POFUT2: variants seen among roughly 807,000 people sequenced by gnomAD.
The protein encoded by POFUT2 is GDP-fucose protein O-fucosyltransferase 2.
Under a neutral mutation model 55.0 loss-of-function variants are expected in POFUT2, and 30 were observed. That is an observed-to-expected ratio of 0.55 (90% CI 0.41 to 0.74). The LOEUF (loss-of-function observed/expected upper bound fraction) is 0.74, where lower values mean the gene tolerates loss of function less well. Ranked by LOEUF, POFUT2 falls within the 30% of genes least tolerant of loss-of-function variation. The probability of loss-of-function intolerance (pLI) is 0.00; values close to 1 mark genes in which losing one functional copy is unlikely to be tolerated. For synonymous variants in POFUT2, 267 were observed against 231.1 expected, an observed-to-expected ratio of 1.16 and a Z score of -1.41; for missense variants, 524 against 562.6, an observed-to-expected ratio of 0.93 and a Z score of 0.69.
Position 45,285,495 on chromosome 21 carries a change from G to A in POFUT2, c.382+183C>T, listed in dbSNP as rs1200871106. 2.8e-6 allele frequency: 2 copies of A among 724,614 alleles called. No homozygotes were observed. The highest frequency in any genetic ancestry group is 1.7e-5 in the African/African-American group (1 of 57,806). The allele number at this position is 724,614 out of a possible 1,614,324, so 44.9% of individuals were successfully genotyped here. A position where few individuals can be genotyped will look rare whatever the true frequency, so the allele number is the denominator to read the frequency against. On this transcript the variant is annotated intron_variant, in intron 2 of 8. Transcript: ENST00000349485. The surrounding 1 kb of genome is among the most constrained non-coding windows in gnomAD (Gnocchi z 4.9). The stretch of plus-strand genomic sequence containing the variant: ...ATTTTGGGAAGCTCACTGCAGCGTG[G>A]GAAAGGGACTGTGCTCCTGAACGGA...
At chr21:45,274,653 G>T (rs1602181972) in intron 6 of POFUT2, among the ~76,000 whole-genome samples, 1 of 152,126 alleles carries the variant, frequency 6.6e-6, no homozygotes, top group African/African-American at 2.4e-5. Flanking sequence ...CAGAAATAAA[G>T]CCAAATACTT....
chr21:45,269,052 C>G (rs2093191384), intron 7 of POFUT2, among the ~76,000 whole-genome samples: 1 of 114,750 alleles, frequency 8.7e-6, no homozygotes, highest in African/African-American at 3.8e-5. Context: ...GGTCAGCCCC[C>G]CGCCTGGCCA....
At chr21:45,278,262 G>A (rs549854322) in intron 4 of POFUT2, 93 bp from the exon 5 acceptor site, 32 of 1,085,308 alleles carry the variant, frequency 2.9e-5, no homozygotes, top group Admixed American at 8.5e-5. Flanking sequence ...ACCCCGGGCC[G>A]AGGAAGCAGA....
Position 45,277,002 on chromosome 21 carries a change from A to C in POFUT2, c.831+15T>G. 1 of 1,613,058 alleles carries C rather than the reference A, an allele frequency of 6.2e-7. No individual in the cohort carries two copies. The highest frequency in any genetic ancestry group is 1.1e-5 in the South Asian group (1 of 91,030). On this transcript the variant is annotated intron_variant, in intron 6 of 8. Coordinates refer to ENST00000349485, the MANE Select transcript of POFUT2 (RefSeq NM_133635.6). This position sits in a 1 kb window ranked among gnomAD's most constrained non-coding sequence, Gnocchi z 6.9. ...CTTTACCTTTTCTCTAATTAACAAA[A>C]GGGAGGGGGGCTACCTTCATCTTCA...
Position 45,282,692 on chromosome 21 carries a change from C to T in POFUT2, c.528-233G>A, listed in dbSNP as rs981683994. The T allele has an allele frequency of 5.4e-6, 3 of 557,688 alleles. No individual in the cohort carries two copies. The highest frequency in any genetic ancestry group is 1.9e-5 in the African/African-American group (1 of 53,082). The allele number at this position is 557,688 out of a possible 1,614,324, so 34.5% of individuals were successfully genotyped here. A position where few individuals can be genotyped will look rare whatever the true frequency, so the allele number is the denominator to read the frequency against. On this transcript the variant is annotated intron_variant, in intron 3 of 8. Coordinates refer to ENST00000349485, the MANE Select transcript of POFUT2 (RefSeq NM_133635.6). This position sits in a 1 kb window ranked among gnomAD's most constrained non-coding sequence, Gnocchi z 4.6. ...AGGCTTTCCCCATGATAGGGGCTGG[C>T]GGGATGGCCGGGGAGGCAGAGGGAG...
In POFUT2 at chr21:45,267,722, TAGA is replaced by T. The variant is rs1301609271; in HGVS notation, c.1013-12_1013-10del. ...TTTTAGCTCTTCATATTCTGCAAAG[TAGA>T]AGGAGAGACCCTTTGAACCGGGATC... On this transcript the variant is annotated splice_polypyrimidine_tract_variant and intron_variant, in intron 7 of 8. Transcript: ENST00000349485. The surrounding 1 kb of genome is among the most constrained non-coding windows in gnomAD (Gnocchi z 4.4). 1.4e-5 allele frequency: 22 copies of T among 1,612,702 alleles called. No homozygotes were observed. The highest frequency in any genetic ancestry group is 1.8e-5 in the Non-Finnish European group (21 of 1,179,082).
chr21:45,278,370 G>A (rs1191212537), intron 4 of POFUT2, among the ~76,000 whole-genome samples: 1 of 152,186 alleles, frequency 6.6e-6, no homozygotes, highest in Non-Finnish European at 1.5e-5. Context: ...GGTTCTGAGA[G>A]GGCTTTAATG....
At position 45,278,166 on chromosome 21, in the gene POFUT2, G is replaced by A. The variant is rs780283431; in HGVS notation, c.642C>T (p.Ser214=). The change falls in exon 5 of 9, where the codon TCC becomes TCT. Residue 214 remains serine (S), a synonymous_variant. Coordinates refer to ENST00000349485, the MANE Select transcript of POFUT2 (RefSeq NM_133635.6). ...GGTTCTCGGCTCTGTCTAACATCACGGACCTGTTTTTAAACAACAGAAGAA... is the reference window on the plus strand; with the variant it reads ...GGTTCTCGGCTCTGTCTAACATCACAGACCTGTTTTTAAACAACAGAAGAA... The part of the protein sequence containing the change: ...PLLLRNTSAR[S]VMLDRAENLL... The A allele has an allele frequency of 6.2e-6, 10 of 1,611,114 alleles. No individual in the cohort carries two copies. Among genetic ancestry groups the A allele is most frequent in the Admixed American group, 1.7e-5 (1 of 60,018 alleles).
chr21:45,276,996 A>T, intron 6 of POFUT2, 21 bp downstream of exon 6: 3 of 1,612,374 alleles, frequency 1.9e-6, no homozygotes, highest in Admixed American at 3.3e-5. Context: ...TTCTCTAATT[A>T]ACAAAAGGGA....
rs2031237492 is a variant in POFUT2 at position 45,285,172 on chromosome 21, CA to C, written c.382+505del. On this transcript the variant is annotated intron_variant, in intron 2 of 8. Transcript: ENST00000349485. The surrounding 1 kb of genome is among the most constrained non-coding windows in gnomAD (Gnocchi z 4.9). Reference sequence around the variant, plus strand: ...TTTATCTCTTCCAAACAACGCAACACAAAAAGCTCTAAATACCTTCATTCTA... The same window carrying C: ...TTTATCTCTTCCAAACAACGCAACACAAAAGCTCTAAATACCTTCATTCTA... 1.2e-5 allele frequency: 2 copies of C among 173,632 alleles called. No homozygotes were observed. The highest frequency in any genetic ancestry group is 2.5e-5 in the Non-Finnish European group (2 of 80,394). The allele number at this position is 173,632 out of a possible 1,614,324, so 10.8% of individuals were successfully genotyped here. A position where few individuals can be genotyped will look rare whatever the true frequency, so the allele number is the denominator to read the frequency against.
chr21:45,272,761 T>A (rs971163990), intron 6 of POFUT2, among the ~76,000 whole-genome samples: 1 of 152,054 alleles, frequency 6.6e-6, no homozygotes, highest in Non-Finnish European at 1.5e-5. Context: ...CCCTCAAAAC[T>A]ATACAAACAC....
chr21:45,269,406 A>G (rs982529044), intron 7 of POFUT2, among the ~76,000 whole-genome samples: 2 of 152,038 alleles, frequency 1.3e-5, no homozygotes, highest in Non-Finnish European at 2.9e-5. Context: ...TGTAGAAAGA[A>G]GTAGACATGG....
Position 45,282,667 on chromosome 21 carries a change from A to G in POFUT2, c.528-208T>C. 1.7e-6 allele frequency: 1 copy of G among 593,190 alleles called. No homozygotes were observed. Among genetic ancestry groups the G allele is most frequent in the Non-Finnish European group, 3.1e-6 (1 of 327,508 alleles). 36.7% of individuals were successfully genotyped at this position (593,190 alleles called of 1,614,324 possible). A position where few individuals can be genotyped will look rare whatever the true frequency, so the allele number is the denominator to read the frequency against. On this transcript the variant is annotated intron_variant, in intron 3 of 8. Transcript: ENST00000349485. The surrounding 1 kb of genome is among the most constrained non-coding windows in gnomAD (Gnocchi z 4.6). ...TGTCTCTCAGGCTGATGGACCACTGAGGCTTTCCCCATGATAGGGGCTGGC... is the reference window on the plus strand; with the variant it reads ...TGTCTCTCAGGCTGATGGACCACTGGGGCTTTCCCCATGATAGGGGCTGGC...
At chr21:45,274,031 G>C (rs1011974831) in intron 6 of POFUT2, among the ~76,000 whole-genome samples, 1 of 152,158 alleles carries the variant, frequency 6.6e-6, no homozygotes, top group African/African-American at 2.4e-5. Flanking sequence ...AACTGTCACT[G>C]TTCACTGATG....
chr21:45,283,848 G>A (rs1158577681), intron 2 of POFUT2, among the ~76,000 whole-genome samples: 3 of 152,172 alleles, frequency 2.0e-5, no homozygotes, highest in Admixed American at 1.3e-4. Context: ...GGTCCAGGCT[G>A]TTCCCTGCCA....
Position 45,284,629 on chromosome 21 carries a change from T to C in POFUT2, c.382+1049A>G, listed in dbSNP as rs956944286. ...CACTTGGATGCCCAAGGCCCAGACC[T>C]GTCCGCTTCCCTGTCAGGAAACCCA... On this transcript the variant is annotated intron_variant, in intron 2 of 8. Coordinates refer to ENST00000349485, the MANE Select transcript of POFUT2 (RefSeq NM_133635.6). This position sits in a 1 kb window ranked among gnomAD's most constrained non-coding sequence, Gnocchi z 5.8. Among the ~76,000 whole-genome samples the C allele has an allele frequency of 2.0e-5, 3 of 152,192 alleles. No homozygotes were observed. In the East Asian group the frequency reaches 5.8e-4, roughly 29 times the overall value.
At chr21:45,272,264 T>C (rs775120012) in intron 6 of POFUT2, among the ~76,000 whole-genome samples, 83 of 152,218 alleles carry the variant, frequency 5.5e-4, no homozygotes, top group Admixed American at 1.2e-3. Context: ...AGTATTCTTA[T>C]ATCAGACAAA....
chr21:45,268,495 G>A (rs895125955), intron 7 of POFUT2, among the ~76,000 whole-genome samples: 7 of 151,746 alleles, frequency 4.6e-5, no homozygotes, highest in African/African-American at 1.7e-4. Flanking sequence ...TCTGGAAAGT[G>A]AGGAGCATCT....
chr21:45,274,680 C>T (rs1035365884), intron 6 of POFUT2, among the ~76,000 whole-genome samples: 12 of 152,178 alleles, frequency 7.9e-5, no homozygotes, highest in East Asian at 5.8e-4. Flanking sequence ...AACTGATCTT[C>T]GACAAAGCAA....
Sources: gnomAD v4.1 joint callset for allele counts (sites outside exome capture counted in the v4.1 genomes callset) on GRCh38, gnomAD v4.1.1 for gene constraint, Gnocchi (gnomAD v3.1) non-coding constraint, MANE v1.5 for transcripts, NCBI Gene and HGNC (gene_info 2026-07-23, HGNC 2026-07-21) for gene names.